The following CFAP91 variants were observed in gnomAD, a reference collection of about 807,000 sequenced individuals.
CFAP91 encodes the protein cilia- and flagella-associated protein 91.
In CFAP91, 85 loss-of-function variants were observed where a neutral mutation model predicts 95.9. That is an observed-to-expected ratio of 0.89 (90% CI 0.74 to 1.06). CFAP91 has a LOEUF of 1.06. Among genes scored for constraint, CFAP91 ranks in the 50% least tolerant of loss-of-function variants. The pLI is 0.00. For synonymous variants in CFAP91, 335 were observed against 327.5 expected (o/e 1.02, Z -0.25); for missense variants, 962 against 943.4 (o/e 1.02, Z -0.26).
At chr3:119,747,401 T>A in intron 15 of CFAP91, 138 bp downstream of exon 15, 2 of 1,015,574 alleles carry the variant, frequency 2.0e-6, no homozygotes, top group Non-Finnish European at 2.8e-6. Context: ...TTATTAACAT[T>A]AACTCTTGAG....
chr3:119,747,219 G>C lies in CFAP91; in HGVS notation c.2007G>C (p.Lys669Asn). Reference sequence around the variant, plus strand: ...AACAAGCCAGGGCAGAAATAGAGAAGATGGCTGAGAAAATCAATGACATTG... The same window carrying C: ...AACAAGCCAGGGCAGAAATAGAGAACATGGCTGAGAAAATCAATGACATTG... ...AEEQARAEIE[K>N]MAEKINDIAY... is the part of the protein sequence containing the mutation. Residue 669 changes from lysine (K) to asparagine (N), a missense_variant, in exon 15 of 18, where the codon AAG becomes AAC. Physicochemically the swap from Lys to Asn is moderately conservative, Grantham distance 94 (BLOSUM62 0). Coordinates refer to ENST00000273390, the MANE Select transcript of CFAP91 (RefSeq NM_033364.4). 1 of 1,613,766 alleles carries C rather than the reference G, an allele frequency of 6.2e-7. No individual in the cohort carries two copies. The highest frequency in any genetic ancestry group is 8.5e-7 in the Non-Finnish European group (1 of 1,179,808).
chr3:119,728,481 G>C (rs1372994471), intron 7 of CFAP91, among the ~76,000 whole-genome samples: 4 of 152,180 alleles, frequency 2.6e-5, no homozygotes, highest in Admixed American at 6.5e-5. Context: ...TTCATGAAGA[G>C]GGTACTATTA....
intron 5 of CFAP91, among the ~76,000 whole-genome samples, chr3:119,712,223 TG>T (rs1216647521): frequency 6.6e-6 from 1 of 152,042 alleles, no homozygotes; most frequent in Non-Finnish European, 1.5e-5. Flanking sequence ...CCAACAGAAA[TG>T]GGGAAAAAAT....
At chr3:119,704,544 G>T (rs1249602394) in intron 1 of CFAP91, among the ~76,000 whole-genome samples, 2 of 152,130 alleles carry the variant, frequency 1.3e-5, no homozygotes, top group African/African-American at 4.8e-5. Context: ...CGTTAAGCTT[G>T]AATTTCAGAT....
rs1282938054 is a variant in CFAP91, at chr3:119,703,206, G to C, written c.108G>C (p.Ala36=). ...GGAGCCACATCTCCTCCAATCGAGC[G>C]TATGATTTTCTGTACGGTAAGGACC... is the stretch of plus-strand genomic sequence containing the variant. ...RAGSHISSNR[A]YDFLYDPLFI... The change falls in exon 1 of 18, where the codon GCG becomes GCC. Residue 36 remains alanine (A), a synonymous_variant. Coordinates refer to ENST00000273390, the MANE Select transcript of CFAP91 (RefSeq NM_033364.4). The C allele has an allele frequency of 6.2e-7, 1 of 1,612,146 alleles. No homozygotes were observed. The highest frequency in any genetic ancestry group is 8.5e-7 in the Non-Finnish European group (1 of 1,179,144).
chr3:119,760,409 G>A lies in CFAP91; in HGVS notation c.*2-4643G>A, dbSNP rs564795657. On this transcript the variant is annotated intron_variant, in intron 17 of 17. Coordinates refer to ENST00000273390, the MANE Select transcript of CFAP91 (RefSeq NM_033364.4). ...AAAACAAATATTAATAGATATGGAG[G>A]GAGAGCTAGACTGTAATACAGTAAT... Among the ~76,000 whole-genome samples, 11 of 151,816 alleles carry A rather than the reference G, an allele frequency of 7.2e-5. No individual in the cohort carries two copies. The East Asian group carries it at 2.1e-3, about 29-fold the overall frequency.
At chr3:119,719,877 CG>C (rs1032043093) in intron 6 of CFAP91, among the ~76,000 whole-genome samples, 1 of 148,200 alleles carries the variant, frequency 6.7e-6, no homozygotes, top group African/African-American at 2.5e-5. Context: ...CTGAGGCAGG[CG>C]GATCACTTGA....
chr3:119,726,389 G>T, intron 7 of CFAP91, 41 bp downstream of exon 7: 1 of 1,544,744 alleles, frequency 6.5e-7, no homozygotes, highest in Non-Finnish European at 8.8e-7. Flanking sequence ...CTGCACTGGT[G>T]GGAATAATGT....
chr3:119,757,442 G>A (rs1383515818), intron 17 of CFAP91, among the ~76,000 whole-genome samples: 2 of 152,042 alleles, frequency 1.3e-5, no homozygotes, highest in Non-Finnish European at 2.9e-5. Context: ...TCAGGAGTTC[G>A]CAACCAGCCT....
chr3:119,718,911 A>G (rs910684598), intron 6 of CFAP91, among the ~76,000 whole-genome samples: 1 of 103,964 alleles, frequency 9.6e-6, no homozygotes, highest in African/African-American at 5.0e-5. Context: ...GTATACATCA[A>G]AAAAAAAAAA....
intron 6 of CFAP91, among the ~76,000 whole-genome samples, chr3:119,722,855 T>G (rs1392106865): frequency 6.6e-6 from 1 of 152,052 alleles, no homozygotes; most frequent in Non-Finnish European, 1.5e-5. Flanking sequence ...TTAATAAAAA[T>G]GTACAAGGGA....
chr3:119,740,010 A>AT (rs1199561977), intron 12 of CFAP91, among the ~76,000 whole-genome samples: 3 of 152,002 alleles, frequency 2.0e-5, no homozygotes, highest in Non-Finnish European at 4.4e-5. Flanking sequence ...GCCCCAGTTA[A>AT]TTTTTTTTCC....
Position 119,709,760 on chromosome 3 carries a change from A to G in CFAP91, c.444-79A>G, listed in dbSNP as rs2107855919. 2.9e-6 allele frequency: 3 copies of G among 1,048,348 alleles called. No homozygotes were observed. The East Asian group carries it at 7.1e-5, about 25-fold the overall frequency. 64.9% of individuals were successfully genotyped at this position (1,048,348 alleles called of 1,614,324 possible). On this transcript the variant is annotated intron_variant, in intron 4 of 17. Coordinates refer to ENST00000273390, the MANE Select transcript of CFAP91 (RefSeq NM_033364.4). ...TTAAGCTCACTGATTTTTAAGGGAC[A>G]AATATTAGAGCTGGAAGAGAGCTTA...
At chr3:119,741,622 A>T (rs947398177) in intron 13 of CFAP91, among the ~76,000 whole-genome samples, 1 of 152,258 alleles carries the variant, frequency 6.6e-6, no homozygotes, top group African/African-American at 2.4e-5. Context: ...TTGACATAGT[A>T]TAGCTATGCT....
rs368427180 is a variant in CFAP91 at position 119,708,592 on chromosome 3, A to T, written c.361A>T (p.Thr121Ser). The T allele has an allele frequency of 1.9e-6, 3 of 1,591,846 alleles. No homozygotes were observed. Among genetic ancestry groups the T allele is most frequent in the Non-Finnish European group, 8.6e-7 (1 of 1,165,378 alleles). Reference protein sequence around the residue: ...HREALRQLTTTDASFQMPKEV... With the variant: ...HREALRQLTTSDASFQMPKEV... ...TAATGTTTTCTTGCTTCATTTTAGAACTGACGCTTCTTTTCAGATGCCTAA... is the reference window on the plus strand; with the variant it reads ...TAATGTTTTCTTGCTTCATTTTAGATCTGACGCTTCTTTTCAGATGCCTAA... Residue 121 changes from threonine to serine, a missense_variant and splice_region_variant, in exon 4 of 18, where the codon ACT becomes TCT. By Grantham distance (58) the Thr-to-Ser change is moderately conservative (BLOSUM62 1). Transcript: ENST00000273390.
chr3:119,753,231 T>C (rs534534267), intron 17 of CFAP91, among the ~76,000 whole-genome samples: 2 of 152,212 alleles, frequency 1.3e-5, no homozygotes, highest in African/African-American at 4.8e-5. Flanking sequence ...AGGAGTATTT[T>C]TAAAAGCTTT....
At chr3:119,733,705 A>AT (rs1013451043) in intron 10 of CFAP91, among the ~76,000 whole-genome samples, 199 bp downstream of exon 10, 5 of 151,766 alleles carry the variant, frequency 3.3e-5, no homozygotes, top group Admixed American at 3.3e-4. Flanking sequence ...CTTCTTGGAG[A>AT]TTTTTTTCCC....
intron 10 of CFAP91, among the ~76,000 whole-genome samples, chr3:119,735,442 G>T (rs1374238714): frequency 1.3e-5 from 2 of 152,022 alleles, no homozygotes; most frequent in African/African-American, 4.8e-5. Context: ...TGTAGTATTT[G>T]TCATTCTTAA....
chr3:119,727,205 G>A (rs538054807), intron 7 of CFAP91, among the ~76,000 whole-genome samples: 1 of 152,318 alleles, frequency 6.6e-6, no homozygotes, highest in African/African-American at 2.4e-5. Context: ...GACCTAGAGA[G>A]TTAGAGTCTC....
Sources: allele counts gnomAD v4.1 joint callset (sites outside exome capture counted in the v4.1 genomes callset), GRCh38; gene constraint gnomAD v4.1.1; transcripts MANE v1.5; gene names NCBI Gene and HGNC (gene_info 2026-07-23, HGNC 2026-07-21).